Variants in GRAMD1C observed in about 807,000 individuals in gnomAD.
The protein encoded by GRAMD1C is GRAM domain containing 1C, also known as protein Aster-C.
Under a neutral mutation model 97.8 loss-of-function variants are expected in GRAMD1C, and 89 were observed. The ratio of observed to expected loss-of-function variants is 0.91; its 90% CI spans 0.77 to 1.09. The LOEUF (loss-of-function observed/expected upper bound fraction) is 1.09. Among genes scored for constraint, GRAMD1C ranks in the 50% least tolerant of loss-of-function variants. The probability of loss-of-function intolerance (pLI) is 0.00; values close to 1 mark genes in which losing one functional copy is unlikely to be tolerated. For missense variants in GRAMD1C, 740 were observed against 766.4 expected (o/e 0.97, Z 0.41); for synonymous variants, 256 against 267.0 (o/e 0.96, Z 0.40).
chr3:113,861,688 C>T (rs1458058620), intron 2 of GRAMD1C, among the ~76,000 whole-genome samples: 1 of 151,912 alleles, frequency 6.6e-6, no homozygotes. Context: ...TAAAAATGGC[C>T]AAAATGTTAA....
chr3:113,891,446 A>G (rs1278547784), intron 6 of GRAMD1C, among the ~76,000 whole-genome samples: 1 of 152,126 alleles, frequency 6.6e-6, no homozygotes, highest in Admixed American at 6.6e-5. Context: ...TAAAGTCATA[A>G]AGCCACATTG....
At chr3:113,896,568 A>G (rs1381968736) in intron 6 of GRAMD1C, among the ~76,000 whole-genome samples, 1 of 152,248 alleles carries the variant, frequency 6.6e-6, no homozygotes, top group Non-Finnish European at 1.5e-5. Flanking sequence ...TTTGTTCACC[A>G]TCGTAAATAT....
intron 17 of GRAMD1C, among the ~76,000 whole-genome samples, chr3:113,943,004 C>T (rs1009676149): frequency 2.0e-5 from 3 of 152,144 alleles, no homozygotes; most frequent in African/African-American, 4.8e-5. Flanking sequence ...TTACTGTTGT[C>T]TCCTTTTCCA....
intron 2 of GRAMD1C, among the ~76,000 whole-genome samples, chr3:113,858,555 T>C (rs1168980465): frequency 6.6e-6 from 1 of 152,002 alleles, no homozygotes; most frequent in African/African-American, 2.4e-5. Context: ...CCACCACACC[T>C]GGCTAATTTT....
At chr3:113,870,703 A>C (rs916690571) in intron 3 of GRAMD1C, among the ~76,000 whole-genome samples, 4 of 152,168 alleles carry the variant, frequency 2.6e-5, no homozygotes, top group African/African-American at 7.2e-5. Context: ...CCATAAACAC[A>C]ACCATTCAGT....
At chr3:113,877,370 C>T (rs957667066) in intron 5 of GRAMD1C, among the ~76,000 whole-genome samples, 2 of 152,318 alleles carry the variant, frequency 1.3e-5, no homozygotes, top group Admixed American at 6.5e-5. Flanking sequence ...TCTTAGATCC[C>T]ATTCAATTTC....
chr3:113,849,293 TTA>T (rs1388086037), intron 2 of GRAMD1C, among the ~76,000 whole-genome samples: 2 of 150,032 alleles, frequency 1.3e-5, no homozygotes, highest in East Asian at 3.9e-4. Context: ...ATTTATTTAT[TTA>T]TTTATTTATT....
At chr3:113,855,258 T>G (rs1934073749) in intron 2 of GRAMD1C, among the ~76,000 whole-genome samples, 1 of 150,704 alleles carries the variant, frequency 6.6e-6, no homozygotes, top group African/African-American at 2.4e-5. Context: ...TTGTGGTGAG[T>G]CGAGATCATG....
chr3:113,902,806 T>C (rs1936225360), intron 7 of GRAMD1C, among the ~76,000 whole-genome samples: 1 of 145,682 alleles, frequency 6.9e-6, no homozygotes, highest in African/African-American at 2.6e-5. Flanking sequence ...CCACCACGCC[T>C]GGCTACTTTT....
chr3:113,910,822 C>A (rs1422034306), intron 9 of GRAMD1C, among the ~76,000 whole-genome samples: 2 of 152,060 alleles, frequency 1.3e-5, no homozygotes, highest in African/African-American at 4.8e-5. Context: ...AGGGACGATC[C>A]CCCCTGGAGG....
At chr3:113,917,905 T>C (rs1936890434) in intron 10 of GRAMD1C, among the ~76,000 whole-genome samples, 1 of 143,796 alleles carries the variant, frequency 7.0e-6, no homozygotes, top group Admixed American at 7.3e-5. Flanking sequence ...TCTTGCTATG[T>C]TGCTCCAGGC....
chr3:113,925,329 A>G (rs1046178783), intron 10 of GRAMD1C, among the ~76,000 whole-genome samples: 2 of 152,164 alleles, frequency 1.3e-5, no homozygotes, highest in Non-Finnish European at 2.9e-5. Context: ...CTCTACTAAG[A>G]ATACAAAAAA....
chr3:113,919,515 G>A, intron 10 of GRAMD1C: 3 of 543,442 alleles, frequency 5.5e-6, no homozygotes, highest in South Asian at 2.8e-5. Flanking sequence ...GCCTTACCTG[G>A]AGAACTGACT....
intron 8 of GRAMD1C, among the ~76,000 whole-genome samples, chr3:113,904,761 G>T (rs1577187644): frequency 6.6e-6 from 1 of 152,098 alleles, no homozygotes; most frequent in East Asian, 1.9e-4. Flanking sequence ...TTAACTACTA[G>T]GCATTATACT....
intron 15 of GRAMD1C, chr3:113,939,008 G>GT (rs1937640429): frequency 6.6e-6 from 1 of 152,118 alleles, no homozygotes; most frequent in African/African-American, 2.4e-5. Context: ...AATATTATCA[G>GT]TGTTCTTTTG....
At chr3:113,864,058 T>C (rs2107359042) in intron 2 of GRAMD1C, among the ~76,000 whole-genome samples, 1 of 152,362 alleles carries the variant, frequency 6.6e-6, no homozygotes, top group East Asian at 1.9e-4. Flanking sequence ...CTCTCTCATT[T>C]TACTGTAAGT....
At position 113,933,668 on chromosome 3, in the gene GRAMD1C, A is replaced by G; in HGVS notation, c.1352+15A>G. On this transcript the variant is annotated intron_variant, in intron 12 of 17. Transcript: ENST00000358160. ...TGCAGGCTAAGGTGAGCTGCTGTAC[A>G]TGAATGTGTTAGGATAGGCTAGATT... 3.2e-6 allele frequency: 5 copies of G among 1,582,898 alleles called. No homozygotes were observed. In the South Asian group the frequency reaches 3.3e-5, roughly 11 times the overall value.
At chr3:113,929,281 T>C (rs1044270919) in intron 10 of GRAMD1C, among the ~76,000 whole-genome samples, 5 of 152,250 alleles carry the variant, frequency 3.3e-5, no homozygotes, top group Admixed American at 2.6e-4. Flanking sequence ...CCATTTTTCC[T>C]ACAATTCATT....
intron 17 of GRAMD1C, among the ~76,000 whole-genome samples, chr3:113,943,436 T>C (rs1937902490): frequency 6.6e-6 from 1 of 152,216 alleles, no homozygotes; most frequent in African/African-American, 2.4e-5. Context: ...AGAAAATCTG[T>C]ACACATTAGT....
Sources: gnomAD v4.1 joint callset for allele counts (sites outside exome capture counted in the v4.1 genomes callset) on GRCh38, gnomAD v4.1.1 for gene constraint, MANE v1.5 for transcripts, NCBI Gene and HGNC (gene_info 2026-07-23, HGNC 2026-07-21) for gene names.